The following MOB3B variants were observed in gnomAD, a reference collection of about 807,000 sequenced individuals.
The protein encoded by MOB3B is MOB kinase activator-like 2B.
In MOB3B, 7 loss-of-function variants were observed where a neutral mutation model predicts 18.7. The ratio of observed to expected loss-of-function variants is 0.37; its 90% CI spans 0.21 to 0.70. The LOEUF (loss-of-function observed/expected upper bound fraction) is 0.70. Ranked by LOEUF, MOB3B falls within the 30% of genes least tolerant of loss-of-function variation. The pLI is 0.52. For synonymous variants in MOB3B, 111 were observed against 99.9 expected, an observed-to-expected ratio of 1.11 and a Z score of -0.66; for missense variants, 253 against 281.3, an observed-to-expected ratio of 0.90 and a Z score of 0.72.
In MOB3B at chr9:27,327,919, T is replaced by C. The variant is rs1820734844; in HGVS notation, c.*2668A>G. ...TTCAGAAGGTTCAAGAATAAGAATG[T>C]GTATTTACAGTGAGAAAGAAAATGT... On this transcript the variant is annotated 3_prime_UTR_variant, in exon 4 of 4. Transcript: ENST00000262244. 6.6e-6 allele frequency: 1 copy of C among 152,082 alleles called. No individual in the cohort carries two copies. Among genetic ancestry groups the C allele is most frequent in the South Asian group, 2.1e-4 (1 of 4,826 alleles). 9.4% of individuals were successfully genotyped at this position (152,082 alleles called of 1,614,324 possible).
intron 3 of MOB3B, among the ~76,000 whole-genome samples, chr9:27,351,300 A>T (rs997924982): frequency 1.7e-5 from 1 of 57,984 alleles, no homozygotes; most frequent in Non-Finnish European, 3.6e-5. Flanking sequence ...TATCAGTAGT[A>T]ATCCCAGTAG....
intron 1 of MOB3B, among the ~76,000 whole-genome samples, chr9:27,477,054 C>T (rs1163837811): frequency 6.6e-6 from 1 of 152,152 alleles, no homozygotes; most frequent in African/African-American, 2.4e-5. Flanking sequence ...TCCCGAGCTC[C>T]CAGCAGCTCA....
At chr9:27,378,151 C>T (rs1821519133) in intron 2 of MOB3B, 2 of 349,834 alleles carry the variant, frequency 5.7e-6, no homozygotes, top group Admixed American at 7.6e-5. Flanking sequence ...AGACACATAG[C>T]TAGTAATAAG....
At chr9:27,333,580 T>C (rs559041584) in intron 3 of MOB3B, among the ~76,000 whole-genome samples, 3 of 152,190 alleles carry the variant, frequency 2.0e-5, no homozygotes, top group Non-Finnish European at 4.4e-5. Flanking sequence ...CCAAAACGTG[T>C]ATTAAAAGGC....
chr9:27,471,479 G>C lies in MOB3B; in HGVS notation c.-198-15731C>G, dbSNP rs373316308. Among the ~76,000 whole-genome samples the C allele has an allele frequency of 3.0e-4, 46 of 152,240 alleles. No homozygotes were observed. The South Asian group carries it at 7.7e-3, about 25-fold the overall frequency. On this transcript the variant is annotated intron_variant, in intron 1 of 3. Transcript: ENST00000262244. ...TCTTGGTCACTGTGTTGTATAGACT[G>C]GTCGTTAAGTAAATGGATCTGAGAT... is the stretch of plus-strand genomic sequence containing the variant.
intron 2 of MOB3B, among the ~76,000 whole-genome samples, chr9:27,406,992 C>A (rs1185121062): frequency 6.6e-6 from 1 of 152,122 alleles, no homozygotes; most frequent in Middle Eastern, 3.2e-3. Context: ...GCAGCTGCCA[C>A]CATGCCTGGC....
chr9:27,500,369 A>G (rs1819971198), intron 1 of MOB3B, among the ~76,000 whole-genome samples: 1 of 152,224 alleles, frequency 6.6e-6, no homozygotes, highest in South Asian at 2.1e-4. Flanking sequence ...TACAGTAACC[A>G]AAACAGCATA....
At chr9:27,436,243 C>A (rs756712090) in intron 2 of MOB3B, among the ~76,000 whole-genome samples, 1 of 152,238 alleles carries the variant, frequency 6.6e-6, no homozygotes, top group Non-Finnish European at 1.5e-5. Flanking sequence ...GCATTTTCCT[C>A]TGTTAAACTT....
At chr9:27,428,667 A>T (rs763372) in intron 2 of MOB3B, among the ~76,000 whole-genome samples, 53,023 of 152,162 alleles carry the variant, frequency 0.35, 9,487 homozygotes, top group Non-Finnish European at 0.37. Context: ...TGGCCACTCA[A>T]CAAAGGTGAT....
chr9:27,460,799 C>T (rs973640357), intron 1 of MOB3B, among the ~76,000 whole-genome samples: 3 of 152,214 alleles, frequency 2.0e-5, no homozygotes, highest in South Asian at 2.1e-4. Context: ...TTAGTGTCAT[C>T]TTCATTGCCA....
chr9:27,436,625 A>G (rs1646307302), intron 2 of MOB3B, among the ~76,000 whole-genome samples: 1 of 152,234 alleles, frequency 6.6e-6, no homozygotes, highest in Admixed American at 6.5e-5. Flanking sequence ...AATTGTGTCC[A>G]CAGAAAATGG....
intron 1 of MOB3B, among the ~76,000 whole-genome samples, chr9:27,479,037 T>C (rs1819605792): frequency 6.6e-6 from 1 of 152,186 alleles, no homozygotes; most frequent in South Asian, 2.1e-4. Context: ...CAAACTAATA[T>C]TCTATACCTA....
chr9:27,458,525 T>G (rs1358040959), intron 1 of MOB3B, among the ~76,000 whole-genome samples: 1 of 148,220 alleles, frequency 6.7e-6, no homozygotes, highest in Non-Finnish European at 1.5e-5. Flanking sequence ...ATGTTTTTTT[T>G]TTTTTTTTGA....
intron 2 of MOB3B, among the ~76,000 whole-genome samples, chr9:27,374,428 T>C (rs548257732): frequency 6.6e-6 from 1 of 152,272 alleles, no homozygotes; most frequent in African/African-American, 2.4e-5. Context: ...TGGTTAGTCA[T>C]GGAGTTTAAA....
At chr9:27,493,225 C>T (rs1208394383) in intron 1 of MOB3B, among the ~76,000 whole-genome samples, 5 of 152,214 alleles carry the variant, frequency 3.3e-5, no homozygotes, top group Non-Finnish European at 7.4e-5. Flanking sequence ...ACGGAGGGAC[C>T]GGCTGAAGCC....
chr9:27,527,126 A>G (rs1312196861), intron 1 of MOB3B, among the ~76,000 whole-genome samples: 1 of 152,186 alleles, frequency 6.6e-6, no homozygotes, highest in African/African-American at 2.4e-5. Flanking sequence ...TTTTAATTCT[A>G]AAAGAAACTG....
chr9:27,465,889 A>G (rs966998461), intron 1 of MOB3B, among the ~76,000 whole-genome samples: 1 of 152,206 alleles, frequency 6.6e-6, no homozygotes, highest in East Asian at 1.9e-4. Flanking sequence ...CAGCACGGGG[A>G]TCCTGGGACC....
intron 2 of MOB3B, among the ~76,000 whole-genome samples, chr9:27,403,450 A>G (rs921470856): frequency 6.6e-6 from 1 of 151,898 alleles, no homozygotes; most frequent in Admixed American, 6.6e-5. Flanking sequence ...TAAGATCCCA[A>G]AGAGAAACAC....
chr9:27,330,934 G>T (rs1481375248), intron 3 of MOB3B, among the ~76,000 whole-genome samples: 1 of 152,180 alleles, frequency 6.6e-6, no homozygotes, highest in African/African-American at 2.4e-5. Context: ...TTCAGCAGAA[G>T]AATTTGCTCT....
Sources: gnomAD v4.1 joint callset for allele counts (sites outside exome capture counted in the v4.1 genomes callset) on GRCh38, gnomAD v4.1.1 for gene constraint, MANE v1.5 for transcripts, NCBI Gene and HGNC (gene_info 2026-07-23, HGNC 2026-07-21) for gene names.